CNGA3: variants seen among roughly 807,000 people sequenced by gnomAD.
CNGA3 encodes cyclic nucleotide-gated channel alpha-3.
Under a neutral mutation model 46.6 loss-of-function variants are expected in CNGA3, and 42 were observed. That is an observed-to-expected ratio of 0.90 (90% CI 0.70 to 1.17). CNGA3 has a LOEUF of 1.17. CNGA3 is among the 50% of genes most tolerant of loss of function. The pLI is 0.00. For synonymous variants in CNGA3, 394 were observed against 369.4 expected (o/e 1.07, Z -0.76); for missense variants, 893 against 890.7 (o/e 1.00, Z -0.03).
intron 1 of CNGA3, among the ~76,000 whole-genome samples, chr2:98,347,425 G>A (rs1309721051): frequency 6.6e-6 from 1 of 152,162 alleles, no homozygotes; most frequent in Non-Finnish European, 1.5e-5. Context: ...GGGCCTTGGC[G>A]CGCAGGCCCT....
chr2:98,392,907 T>C (rs1692826957), intron 7 of CNGA3, among the ~76,000 whole-genome samples: 1 of 152,238 alleles, frequency 6.6e-6, no homozygotes, highest in Admixed American at 6.5e-5. Context: ...TGGGACATCT[T>C]TTTCTAATCT....
intron 1 of CNGA3, among the ~76,000 whole-genome samples, chr2:98,351,479 T>A (rs1691768394): frequency 6.6e-6 from 1 of 152,210 alleles, no homozygotes; most frequent in African/African-American, 2.4e-5. Context: ...AAGATGTGAC[T>A]GGCTCCTCCT....
At position 98,397,667 on chromosome 2, in the gene CNGA3, A is replaced by G. The variant is rs552202756; in HGVS notation, c.*412A>G. The G allele has an allele frequency of 6.3e-5, 19 of 299,490 alleles. No homozygotes were observed. The highest frequency in any genetic ancestry group is 6.3e-4 in the South Asian group (19 of 30,216). 18.6% of individuals were successfully genotyped at this position (299,490 alleles called of 1,614,324 possible). A position where few individuals can be genotyped will look rare whatever the true frequency, so the allele number is the denominator to read the frequency against. ...CTGTCCAACTTCACCACCACCTGAT[A>G]ATGGGTATATAACAGGAAGCTGAAG... On this transcript the variant is annotated 3_prime_UTR_variant, in exon 8 of 8. Coordinates refer to ENST00000272602, the MANE Select transcript of CNGA3 (RefSeq NM_001298.3).
Position 98,397,571 on chromosome 2 carries a change from A to C in CNGA3, c.*316A>C. Reference sequence around the variant, plus strand: ...AGGACTCTCATTACTTTTTTATGGAATCTGCAAGGTGTTTTTAGGCTTTTT... The same window carrying C: ...AGGACTCTCATTACTTTTTTATGGACTCTGCAAGGTGTTTTTAGGCTTTTT... On this transcript the variant is annotated 3_prime_UTR_variant, in exon 8 of 8. Coordinates refer to ENST00000272602, the MANE Select transcript of CNGA3 (RefSeq NM_001298.3). 1 of 413,754 alleles carries C rather than the reference A, an allele frequency of 2.4e-6. No individual in the cohort carries two copies. The highest frequency in any genetic ancestry group is 2.7e-5 in the South Asian group (1 of 37,384). The allele number at this position is 413,754 out of a possible 1,614,324, so 25.6% of individuals were successfully genotyped here. A position where few individuals can be genotyped will look rare whatever the true frequency, so the allele number is the denominator to read the frequency against.
At position 98,397,576 on chromosome 2, in the gene CNGA3, CA is replaced by C. The variant is rs1692951458; in HGVS notation, c.*323del. ...TCTCATTACTTTTTTATGGAATCTGCAAGGTGTTTTTAGGCTTTTTAATCTG... is the reference window on the plus strand; with the variant it reads ...TCTCATTACTTTTTTATGGAATCTGCAGGTGTTTTTAGGCTTTTTAATCTG... On this transcript the variant is annotated 3_prime_UTR_variant, in exon 8 of 8. Coordinates refer to ENST00000272602, the MANE Select transcript of CNGA3 (RefSeq NM_001298.3). 7.4e-6 allele frequency: 3 copies of C among 402,838 alleles called. No homozygotes were observed. The highest frequency in any genetic ancestry group is 1.4e-5 in the Non-Finnish European group (3 of 220,558). 25.0% of individuals were successfully genotyped at this position (402,838 alleles called of 1,614,324 possible). A position where few individuals can be genotyped will look rare whatever the true frequency, so the allele number is the denominator to read the frequency against.
intron 1 of CNGA3, among the ~76,000 whole-genome samples, chr2:98,366,231 A>G (rs1037660702): frequency 6.7e-6 from 1 of 149,850 alleles, no homozygotes; most frequent in African/African-American, 2.4e-5. Flanking sequence ...AGGTGTTACC[A>G]GTGGAGGCTG....
At chr2:98,381,899 G>A (rs1692547573) in intron 4 of CNGA3, among the ~76,000 whole-genome samples, 1 of 152,078 alleles carries the variant, frequency 6.6e-6, no homozygotes. Flanking sequence ...GAAGAGGGAG[G>A]GGGGAAAAAG....
intron 7 of CNGA3, among the ~76,000 whole-genome samples, chr2:98,394,688 A>G (rs1037964657): frequency 3.3e-5 from 5 of 152,104 alleles, no homozygotes; most frequent in African/African-American, 4.8e-5. Flanking sequence ...TGGCTGGCAT[A>G]AGCAAACCCC....
At chr2:98,353,100 GAT>G (rs1558801855) in intron 1 of CNGA3, among the ~76,000 whole-genome samples, 2 of 152,108 alleles carry the variant, frequency 1.3e-5, no homozygotes. Flanking sequence ...TCTTACAATA[GAT>G]TAAGCAAGAA....
At chr2:98,389,417 T>G (rs557665391) in intron 5 of CNGA3, among the ~76,000 whole-genome samples, 2 of 152,176 alleles carry the variant, frequency 1.3e-5, no homozygotes, top group African/African-American at 4.8e-5. Context: ...ACCATTACCT[T>G]ATAGTCGACC....
chr2:98,363,489 C>A (rs1469903571), intron 1 of CNGA3, among the ~76,000 whole-genome samples: 1 of 152,066 alleles, frequency 6.6e-6, no homozygotes, highest in Non-Finnish European at 1.5e-5. Flanking sequence ...CTTTTGTATC[C>A]TGACACTTTG....
rs1374130283 is a variant in CNGA3, at chr2:98,396,945, C to T, written c.1775C>T (p.Pro592Leu). Reference protein sequence around the residue: ...DDLMEALTEYPEAKKALEEKG... With the variant: ...DDLMEALTEYLEAKKALEEKG... ...CTCATGGAGGCCCTCACCGAGTACC[C>T]CGAAGCCAAGAAGGCCCTGGAGGAG... The change falls in exon 8 of 8, where the codon CCC (proline) becomes CTC (leucine). Residue 592 changes from proline to leucine, a missense_variant. Pro to Leu is a moderately conservative substitution (Grantham distance 98, BLOSUM62 -3). Transcript: ENST00000272602. 2.5e-6 allele frequency: 4 copies of T among 1,614,102 alleles called. No homozygotes were observed. Among genetic ancestry groups the T allele is most frequent in the African/African-American group, 2.7e-5 (2 of 75,038 alleles).
At chr2:98,376,716 G>T (rs1692412987) in intron 2 of CNGA3, among the ~76,000 whole-genome samples, 1 of 152,140 alleles carries the variant, frequency 6.6e-6, no homozygotes, top group South Asian at 2.1e-4. Context: ...AATTGGGTTG[G>T]AACAGGTCAT....
At chr2:98,374,133 C>T (rs756903698) in intron 2 of CNGA3, among the ~76,000 whole-genome samples, 3 of 152,222 alleles carry the variant, frequency 2.0e-5, no homozygotes, top group Non-Finnish European at 4.4e-5. Flanking sequence ...TGCTGGAAAA[C>T]ATCAGATGCT....
At position 98,389,793 on chromosome 2, in the gene CNGA3, A is replaced by G. The variant is rs2104230089; in HGVS notation, c.566+19A>G. ...TTTGCAGGTAAGCGACAGGGGTGGAAGGTGCAGCGGAAAGGGGGAAACCAG... is the reference window on the plus strand; with the variant it reads ...TTTGCAGGTAAGCGACAGGGGTGGAGGGTGCAGCGGAAAGGGGGAAACCAG... On this transcript the variant is annotated intron_variant, in intron 6 of 7. Transcript: ENST00000272602. The G allele has an allele frequency of 6.2e-7, 1 of 1,601,236 alleles. No individual in the cohort carries two copies. The highest frequency in any genetic ancestry group is 8.5e-7 in the Non-Finnish European group (1 of 1,169,820).
intron 5 of CNGA3, among the ~76,000 whole-genome samples, chr2:98,388,469 G>C (rs1692709642): frequency 6.6e-6 from 1 of 152,052 alleles, no homozygotes; most frequent in Non-Finnish European, 1.5e-5. Context: ...GAGGGGAGAG[G>C]GTGCTTGGAG....
chr2:98,379,833 G>A (rs1692497365), intron 3 of CNGA3: 1 of 382,984 alleles, frequency 2.6e-6, no homozygotes, highest in Admixed American at 3.9e-5. Context: ...CTCTCCATTG[G>A]GCAAAAGGAG....
chr2:98,396,802 C>CA lies in CNGA3; in HGVS notation c.1633dup (p.Ser545LysfsTer70). The stretch of plus-strand genomic sequence containing the variant: ...CCCAGTTCGTGGTCCTCAGCGATGG[C>CA]AGCTACTTCGGGGAGATCAGCATTC... On this transcript the variant is annotated frameshift_variant, in exon 8 of 8. Coordinates refer to ENST00000272602, the MANE Select transcript of CNGA3 (RefSeq NM_001298.3). LOFTEE classifies it high-confidence loss of function. 4.3e-6 allele frequency: 7 copies of CA among 1,614,192 alleles called. No individual in the cohort carries two copies. Among genetic ancestry groups the CA allele is most frequent in the Non-Finnish European group, 5.9e-6 (7 of 1,180,034 alleles).
chr2:98,350,081 C>T (rs1260900100), intron 1 of CNGA3, among the ~76,000 whole-genome samples: 1 of 152,238 alleles, frequency 6.6e-6, no homozygotes, highest in Non-Finnish European at 1.5e-5. Context: ...TTGCAGGATT[C>T]ATACATTTCA....
Sources: allele counts gnomAD v4.1 joint callset (sites outside exome capture counted in the v4.1 genomes callset), GRCh38; gene constraint gnomAD v4.1.1; transcripts MANE v1.5; gene names NCBI Gene and HGNC (gene_info 2026-07-23, HGNC 2026-07-21).